Variants in DNAH5 observed in about 807,000 individuals in gnomAD.
DNAH5 encodes the protein dynein axonemal heavy chain 5, also known as axonemal beta dynein heavy chain 5.
Under a neutral mutation model 518.2 loss-of-function variants are expected in DNAH5, and 372 were observed. The observed-to-expected ratio is 0.72, with a 90% CI of 0.66 to 0.78. The LOEUF is 0.78. DNAH5 is among the 30% of genes least tolerant of loss of function. The pLI is 0.00. For synonymous variants in DNAH5, 2,039 were observed against 2,025.9 expected (o/e 1.01, Z -0.17); for missense variants, 5,523 against 5,687.0 (o/e 0.97, Z 0.93).
chr5:13,970,816 A>G (rs2152056871), intron 1 of DNAH5, among the ~76,000 whole-genome samples: 1 of 152,140 alleles, frequency 6.6e-6, no homozygotes, highest in African/African-American at 2.4e-5. Flanking sequence ...AGCTTCTTTT[A>G]TTTGGATGTC....
intron 23 of DNAH5, among the ~76,000 whole-genome samples, chr5:13,871,254 G>C (rs1770061278): frequency 6.6e-6 from 1 of 151,858 alleles, no homozygotes; most frequent in African/African-American, 2.4e-5. Flanking sequence ...GAACTCTCTG[G>C]GATAAGCCTC....
At chr5:13,822,870 T>TTG (rs1364692997) in intron 40 of DNAH5, among the ~76,000 whole-genome samples, 2 of 151,248 alleles carry the variant, frequency 1.3e-5, no homozygotes, top group African/African-American at 4.9e-5. Flanking sequence ...ATGAGATCAC[T>TTG]GCAAATAACA....
chr5:13,993,386 C>G (rs10513166), intron 1 of DNAH5, among the ~76,000 whole-genome samples: 6,852 of 152,146 alleles, frequency 0.045, 204 homozygotes, highest in Non-Finnish European at 0.063. Context: ...TTTTAAGGTT[C>G]TAGGTCTAAG....
At chr5:13,714,646 C>T in intron 74 of DNAH5, 26 bp from the exon 75 acceptor site, 3 of 1,609,160 alleles carry the variant, frequency 1.9e-6, no homozygotes, top group South Asian at 1.1e-5. Flanking sequence ...CCCAGATAAG[C>T]ACAGACTGCC....
chr5:13,905,436 T>C (rs1775169564), intron 12 of DNAH5, among the ~76,000 whole-genome samples: 1 of 152,186 alleles, frequency 6.6e-6, no homozygotes, highest in Admixed American at 6.5e-5. Context: ...AGATACCGGC[T>C]CCTCAACCTT....
intron 1 of DNAH5, among the ~76,000 whole-genome samples, chr5:13,983,980 G>A (rs1253585171): frequency 1.3e-5 from 2 of 152,206 alleles, no homozygotes; most frequent in African/African-American, 4.8e-5. Flanking sequence ...CGTTAGGTGG[G>A]AGGTGGAAGT....
intron 1 of DNAH5, among the ~76,000 whole-genome samples, chr5:14,010,272 A>G (rs1272466487): frequency 6.6e-6 from 1 of 152,182 alleles, no homozygotes; most frequent in Non-Finnish European, 1.5e-5. Context: ...AAGTTAAATA[A>G]GAGATATTTG....
chr5:13,706,482 T>C (rs976691754), intron 76 of DNAH5, among the ~76,000 whole-genome samples: 1 of 152,158 alleles, frequency 6.6e-6, no homozygotes, highest in Admixed American at 6.5e-5. Context: ...AAATAGGTTA[T>C]AGAAGACAGC....
intron 53 of DNAH5, among the ~76,000 whole-genome samples, chr5:13,779,935 A>C (rs2126831823): frequency 6.6e-6 from 1 of 152,220 alleles, no homozygotes; most frequent in Admixed American, 6.5e-5. Context: ...CTGTACATAA[A>C]ATGTACCTGA....
chr5:13,806,883 T>G (rs997946557), intron 47 of DNAH5, among the ~76,000 whole-genome samples: 5 of 152,304 alleles, frequency 3.3e-5, no homozygotes, highest in Middle Eastern at 3.4e-3. Flanking sequence ...ATTTCATATC[T>G]AAGGGTCTAA....
intron 1 of DNAH5, among the ~76,000 whole-genome samples, chr5:13,994,739 G>A (rs78118735): frequency 0.058 from 8,835 of 152,138 alleles, 536 homozygotes; most frequent in East Asian, 0.19. Flanking sequence ...CTCTTCACCC[G>A]CCTCTTCCCC....
intron 43 of DNAH5, 21 bp from the exon 44 acceptor site, chr5:13,811,844 G>A: frequency 6.2e-7 from 1 of 1,613,336 alleles, no homozygotes; most frequent in Non-Finnish European, 8.5e-7. Context: ...ACAGACAAGT[G>A]TATTCATGAA....
chr5:13,862,605 T>C lies in DNAH5; in HGVS notation c.4739A>G (p.Glu1580Gly), dbSNP rs1768612300. The C allele has an allele frequency of 6.2e-7, 1 of 1,613,924 alleles. No individual in the cohort carries two copies. The highest frequency in any genetic ancestry group is 1.3e-5 in the African/African-American group (1 of 74,914). Residue 1580 changes from glutamate to glycine, a missense_variant, in exon 29 of 79, where the codon GAA (glutamate) becomes GGA (glycine). Physicochemically the swap from Glu to Gly is moderately conservative, Grantham distance 98. Around this residue, in one of 3 missense-constraint regions of DNAH5, gnomAD observed 5,121 missense variants for 5,223.3 expected, o/e 0.98. Coordinates refer to ENST00000265104, the MANE Select transcript of DNAH5 (RefSeq NM_001369.3). ...ELLLRGDSTS[E>G]IIANMEDSLM... ...GCTGTCCTCCATGTTGGCGATGATT[T>C]CCGAGGTACTGTCTCCTCTCAAGAG...
At position 13,855,204 on chromosome 5, in the gene DNAH5, ATTTTTTT is replaced by A; in HGVS notation, c.4950+4241_4950+4247del. Among the ~76,000 whole-genome samples the A allele has an allele frequency of 3.7e-5, 2 of 54,030 alleles. 1 individual carries two copies. Among genetic ancestry groups the A allele is most frequent in the Non-Finnish European group, 8.1e-5 (2 of 24,612 alleles). The allele number at this position is 54,030 out of a possible 152,430, so 35.4% of individuals were successfully genotyped here. A position where few individuals can be genotyped will look rare whatever the true frequency, so the allele number is the denominator to read the frequency against. ...CATAGATTTTCATCATAAATCTTAC[ATTTTTTT>A]TTTTTTTTTTTTTTTGAGACGGAGT... On this transcript the variant is annotated intron_variant, in intron 30 of 78. Coordinates refer to ENST00000265104, the MANE Select transcript of DNAH5 (RefSeq NM_001369.3).
chr5:13,773,783 T>C (rs1436259951), intron 55 of DNAH5, among the ~76,000 whole-genome samples: 1 of 151,946 alleles, frequency 6.6e-6, no homozygotes, highest in African/African-American at 2.4e-5. Flanking sequence ...AGGACCTGGC[T>C]TGGGGGGAAA....
intron 75 of DNAH5, among the ~76,000 whole-genome samples, chr5:13,708,768 G>GC (rs1347547509): frequency 6.6e-6 from 1 of 152,128 alleles, no homozygotes; most frequent in African/African-American, 2.4e-5. Context: ...AGAGCTTTCT[G>GC]TTTTTTCCAT....
At chr5:13,725,343 A>C (rs1745576871) in intron 70 of DNAH5, among the ~76,000 whole-genome samples, 1 of 152,354 alleles carries the variant, frequency 6.6e-6, no homozygotes, top group East Asian at 1.9e-4. Flanking sequence ...GAGCATGTGC[A>C]TTCTATGCAG....
intron 32 of DNAH5, among the ~76,000 whole-genome samples, chr5:13,843,405 T>C (rs1765545202): frequency 6.6e-6 from 1 of 152,090 alleles, no homozygotes. Context: ...ATCCTGCCCA[T>C]CCCCCTTCTC....
intron 12 of DNAH5, among the ~76,000 whole-genome samples, chr5:13,904,861 A>G (rs977171182): frequency 6.6e-6 from 1 of 152,280 alleles, no homozygotes; most frequent in East Asian, 1.9e-4. Context: ...CTGTGAGCCA[A>G]GATCGCACCA....
Sources: gnomAD v4.1 joint callset for allele counts (sites outside exome capture counted in the v4.1 genomes callset) on GRCh38, gnomAD v4.1.1 for gene constraint, gnomAD v4.1.1 regional missense constraint, MANE v1.5 for transcripts, NCBI Gene and HGNC (gene_info 2026-07-23, HGNC 2026-07-21) for gene names.